Variants in MSRA observed in about 807,000 individuals in gnomAD.
MSRA encodes methionine sulfoxide reductase A, also known as mitochondrial peptide methionine sulfoxide reductase.
MSRA carries 54 observed loss-of-function variants against 31.3 expected under a neutral mutation model. The ratio of observed to expected loss-of-function variants is 1.73; its 90% CI spans 1.39 to 2.17. The LOEUF (loss-of-function observed/expected upper bound fraction) is 2.17, where lower values mean the gene tolerates loss of function less well. Ranked by LOEUF, MSRA falls within the 30% of genes most tolerant of loss-of-function variation. The probability of loss-of-function intolerance (pLI) is 0.00; values close to 1 mark genes in which losing one functional copy is unlikely to be tolerated. For synonymous variants in MSRA, 169 were observed against 116.5 expected (o/e 1.45, Z -2.90); for missense variants, 507 against 300.9 (o/e 1.69, Z -5.07).
At chr8:10,293,013 G>T (rs1332967405) in intron 3 of MSRA, among the ~76,000 whole-genome samples, 1 of 152,196 alleles carries the variant, frequency 6.6e-6, no homozygotes, top group African/African-American at 2.4e-5. Context: ...AGGAGGGCTT[G>T]TTGGCCTCTG....
At chr8:10,272,485 T>G (rs946562491) in intron 3 of MSRA, among the ~76,000 whole-genome samples, 1 of 152,222 alleles carries the variant, frequency 6.6e-6, no homozygotes, top group African/African-American at 2.4e-5. Context: ...TTTTGTTCTA[T>G]TCAGGCCTTC....
At chr8:10,411,546 G>A (rs2129188976) in intron 5 of MSRA, 1 of 152,084 alleles carries the variant, frequency 6.6e-6, no homozygotes, top group South Asian at 2.1e-4. Flanking sequence ...AGCCAATATA[G>A]TGTGAGGTTA....
At chr8:10,324,866 T>C (rs1471051113) in intron 5 of MSRA, among the ~76,000 whole-genome samples, 1 of 152,196 alleles carries the variant, frequency 6.6e-6, no homozygotes, top group Non-Finnish European at 1.5e-5. Context: ...CATGTTTCCA[T>C]TGAATGCCAT....
intron 1 of MSRA, among the ~76,000 whole-genome samples, chr8:10,102,103 C>G (rs893303629): frequency 6.6e-6 from 1 of 152,064 alleles, no homozygotes; most frequent in African/African-American, 2.4e-5. Flanking sequence ...TTATGTTGTG[C>G]CTTTTTGTGG....
chr8:10,056,524 CTT>C (rs58900236), intron 1 of MSRA, among the ~76,000 whole-genome samples: 161 of 138,192 alleles, frequency 1.2e-3, no homozygotes, highest in Middle Eastern at 7.5e-3. Context: ...GGCCAGTAAA[CTT>C]TTTTTTTTTT....
chr8:10,296,158 C>T (rs1395866905), intron 3 of MSRA, among the ~76,000 whole-genome samples: 1 of 151,990 alleles, frequency 6.6e-6, no homozygotes, highest in Admixed American at 6.6e-5. Flanking sequence ...AGCTCAGTGC[C>T]CAGACCAGTA....
At position 10,219,805 on chromosome 8, in the gene MSRA, C is replaced by CAAAAAAAAAAAAAAAA. The variant is rs202000887; in HGVS notation, c.211+11904_211+11905insAAAAAAAAAAAAAAAA. On this transcript the variant is annotated intron_variant, in intron 2 of 5. Coordinates refer to ENST00000317173, the MANE Select transcript of MSRA (RefSeq NM_012331.5). Reference sequence around the variant, plus strand: ...TGGACGACAGATCGAGACTCTGTCTCCAAAAAAAAAAAAAAAAAAAAAAGA... The same window carrying CAAAAAAAAAAAAAAAA: ...TGGACGACAGATCGAGACTCTGTCTCAAAAAAAAAAAAAAAACAAAAAAAAAAAAAAAAAAAAAAGA... 2.6e-3 allele frequency among the ~76,000 whole-genome samples: 119 copies of CAAAAAAAAAAAAAAAA among 46,056 alleles called. 13 individuals carry two copies. The highest frequency in any genetic ancestry group is 0.019 in the African/African-American group (113 of 5,982). The allele number at this position is 46,056 out of a possible 152,430, so 30.2% of individuals were successfully genotyped here. A position where few individuals can be genotyped will look rare whatever the true frequency, so the allele number is the denominator to read the frequency against.
intron 3 of MSRA, among the ~76,000 whole-genome samples, chr8:10,261,040 G>A (rs1346123685): frequency 6.6e-6 from 1 of 152,118 alleles, no homozygotes; most frequent in Non-Finnish European, 1.5e-5. Flanking sequence ...TAAAATACAA[G>A]ATGGAGTTGT....
intron 1 of MSRA, among the ~76,000 whole-genome samples, chr8:10,175,613 A>G (rs1300013788): frequency 6.6e-6 from 1 of 152,224 alleles, no homozygotes; most frequent in Non-Finnish European, 1.5e-5. Context: ...TCTCATTGAC[A>G]TTTATACTGA....
intron 1 of MSRA, among the ~76,000 whole-genome samples, chr8:10,180,617 A>T (rs1387048149): frequency 6.6e-6 from 1 of 152,152 alleles, no homozygotes; most frequent in Non-Finnish European, 1.5e-5. Context: ...GACTAACAAG[A>T]TGCTCCCCTT....
chr8:10,358,520 C>A (rs1386947553), intron 5 of MSRA, among the ~76,000 whole-genome samples: 1 of 141,080 alleles, frequency 7.1e-6, no homozygotes, highest in African/African-American at 2.6e-5. Context: ...GCTGGCATTA[C>A]CACCTCAGCT....
chr8:10,114,264 A>G (rs1383490329), intron 1 of MSRA, among the ~76,000 whole-genome samples: 1 of 152,112 alleles, frequency 6.6e-6, no homozygotes, highest in African/African-American at 2.4e-5. Flanking sequence ...TGTTTTTAGT[A>G]TTTGGCTATC....
At chr8:10,344,574 CAAAAAAAAAAAAAA>C (rs56843505) in intron 5 of MSRA, among the ~76,000 whole-genome samples, 16 of 64,610 alleles carry the variant, frequency 2.5e-4, no homozygotes, top group African/African-American at 8.9e-4. Flanking sequence ...GACTCCGTCT[CAAAAAAAAAAAAAA>C]AAAAAAAAAA....
At chr8:10,355,184 G>T (rs1008723642) in intron 5 of MSRA, among the ~76,000 whole-genome samples, 3 of 152,160 alleles carry the variant, frequency 2.0e-5, no homozygotes, top group South Asian at 2.1e-4. Flanking sequence ...TTCCAGTGCC[G>T]CCTCTTCCTG....
At chr8:10,398,756 T>C (rs1172657168) in intron 5 of MSRA, among the ~76,000 whole-genome samples, 2 of 152,256 alleles carry the variant, frequency 1.3e-5, no homozygotes, top group Non-Finnish European at 2.9e-5. Context: ...TCTATTCAGA[T>C]GAAAGGAAAA....
intron 1 of MSRA, among the ~76,000 whole-genome samples, chr8:10,195,913 G>A (rs1027517359): frequency 1.3e-5 from 2 of 152,234 alleles, no homozygotes; most frequent in Non-Finnish European, 2.9e-5. Flanking sequence ...CCCTGCAGCA[G>A]GCCTGCTTTG....
Position 10,054,645 on chromosome 8 carries a change from G to C in MSRA, c.129G>C (p.Gln43His), listed in dbSNP as rs771640124. The change falls in exon 1 of 6, where the codon CAG (glutamine) becomes CAC (histidine). Residue 43 changes from glutamine to histidine, a missense_variant. By Grantham distance (24) the Gln-to-His change is conservative. Transcript: ENST00000317173. ...AGGCCTTGCCGGGCCGGAAGGAACA[G>C]ACCCCTGTAGCGGGTAAGCACTGGC... is the stretch of plus-strand genomic sequence containing the variant. ...PQEALPGRKE[Q>H]TPVAAKHHVN... 2.6e-6 allele frequency: 4 copies of C among 1,567,180 alleles called. No homozygotes were observed. Among genetic ancestry groups the C allele is most frequent in the Non-Finnish European group, 3.5e-6 (4 of 1,157,818 alleles).
intron 3 of MSRA, among the ~76,000 whole-genome samples, chr8:10,257,755 T>C (rs966335273): frequency 6.6e-6 from 1 of 152,174 alleles, no homozygotes; most frequent in African/African-American, 2.4e-5. Flanking sequence ...AAGGCTTTGA[T>C]GAGCAGCAGA....
intron 5 of MSRA, among the ~76,000 whole-genome samples, chr8:10,328,279 A>G (rs1585485240): frequency 3.5e-5 from 2 of 56,340 alleles, no homozygotes; most frequent in Admixed American, 5.2e-4. Flanking sequence ...ACCCTTCCCC[A>G]TCGGGTCATC....
Sources: gnomAD v4.1 joint callset for allele counts (sites outside exome capture counted in the v4.1 genomes callset) on GRCh38, gnomAD v4.1.1 for gene constraint, MANE v1.5 for transcripts, NCBI Gene and HGNC (gene_info 2026-07-23, HGNC 2026-07-21) for gene names.